SYT1: variants seen among roughly 807,000 people sequenced by gnomAD.
SYT1 encodes the protein synaptotagmin-1.
A neutral mutation model predicts 44.8 loss-of-function variants in SYT1; 8 were observed. That is an observed-to-expected ratio of 0.18 (90% CI 0.10 to 0.32). The LOEUF is 0.32. SYT1 is among the 10% of genes least tolerant of loss of function. The pLI, the probability that SYT1 is intolerant of heterozygous loss-of-function variation, is 1.00. For missense variants in SYT1, 286 were observed against 509.3 expected (o/e 0.56, Z 4.22); for synonymous variants, 154 against 188.8 (o/e 0.82, Z 1.51).
chr12:79,448,811 G>T, intron 10 of SYT1, 107 bp from the exon 11 acceptor site: 1 of 953,446 alleles, frequency 1.0e-6, no homozygotes, highest in Non-Finnish European at 1.6e-6. Flanking sequence ...CCTAGTGCTT[G>T]GAGATTGATT....
chr12:79,408,762 A>T, intron 9 of SYT1, among the ~76,000 whole-genome samples: 1 of 150,200 alleles, frequency 6.7e-6, no homozygotes. Context: ...TATGGTCAGA[A>T]GCTGTTTGAC....
chr12:79,117,551 C>T (rs970174727), intron 3 of SYT1, among the ~76,000 whole-genome samples: 6 of 150,320 alleles, frequency 4.0e-5, no homozygotes, highest in Middle Eastern at 3.4e-3. Flanking sequence ...AGTTTCAGGC[C>T]TGATAGACCC....
chr12:79,198,565 C>T (rs1873594787), intron 3 of SYT1, among the ~76,000 whole-genome samples: 1 of 151,670 alleles, frequency 6.6e-6, no homozygotes, highest in Non-Finnish European at 1.5e-5. Flanking sequence ...TGTAGAATTA[C>T]ACTTAAAATT....
chr12:79,444,272 C>T (rs73134565), intron 10 of SYT1, 66 bp downstream of exon 10: 24,931 of 1,581,614 alleles, frequency 0.016, 229 homozygotes, highest in Non-Finnish European at 0.019. Flanking sequence ...AAATTATACA[C>T]ACAGACCTTG....
intron 3 of SYT1, among the ~76,000 whole-genome samples, chr12:79,193,096 A>G (rs1277798152): frequency 1.3e-5 from 2 of 152,126 alleles, no homozygotes; most frequent in Non-Finnish European, 1.5e-5. Context: ...TTTCCAACAA[A>G]CTTCAGGAAA....
chr12:79,261,562 A>G (rs950090993), intron 4 of SYT1, among the ~76,000 whole-genome samples: 1 of 152,202 alleles, frequency 6.6e-6, no homozygotes, highest in Non-Finnish European at 1.5e-5. Flanking sequence ...AGTCTCAGAT[A>G]ATTTTATTGT....
intron 2 of SYT1, among the ~76,000 whole-genome samples, chr12:79,017,704 T>C (rs1054696899): frequency 6.6e-6 from 1 of 152,116 alleles, no homozygotes. Context: ...AGGTCCTGCA[T>C]GCTCTGCTAA....
chr12:79,053,221 G>T (rs1340041090), intron 3 of SYT1, among the ~76,000 whole-genome samples: 2 of 152,060 alleles, frequency 1.3e-5, no homozygotes, highest in African/African-American at 4.8e-5. Context: ...CATAGATGAA[G>T]CTGGAAACCA....
intron 4 of SYT1, among the ~76,000 whole-genome samples, chr12:79,233,325 C>A (rs764512258): frequency 6.6e-6 from 1 of 152,182 alleles, no homozygotes; most frequent in Non-Finnish European, 1.5e-5. Context: ...TCTAACATAG[C>A]CCAGTTTCCT....
intron 3 of SYT1, among the ~76,000 whole-genome samples, chr12:79,119,952 A>G (rs2138128241): frequency 6.6e-6 from 1 of 152,268 alleles, no homozygotes; most frequent in South Asian, 2.1e-4. Context: ...GATGTAGTGA[A>G]GGTCCCAGCT....
chr12:79,161,901 A>G (rs1359073897), intron 3 of SYT1, among the ~76,000 whole-genome samples: 1 of 152,270 alleles, frequency 6.6e-6, no homozygotes, highest in African/African-American at 2.4e-5. Flanking sequence ...GAGAGACCCT[A>G]GCTGGGTCTT....
intron 1 of SYT1, among the ~76,000 whole-genome samples, chr12:78,925,983 T>G (rs1877281494): frequency 6.6e-6 from 1 of 152,048 alleles, no homozygotes; most frequent in Non-Finnish European, 1.5e-5. Flanking sequence ...AAGTAGAACA[T>G]GAATGCTGCA....
chr12:79,325,981 C>T (rs769075113), intron 8 of SYT1, among the ~76,000 whole-genome samples: 1 of 152,094 alleles, frequency 6.6e-6, no homozygotes, highest in Non-Finnish European at 1.5e-5. Context: ...TTTCCTACTA[C>T]CTCTTTAAAA....
chr12:79,302,489 T>A (rs1297360726), intron 8 of SYT1, among the ~76,000 whole-genome samples: 1 of 152,144 alleles, frequency 6.6e-6, no homozygotes, highest in Non-Finnish European at 1.5e-5. Flanking sequence ...CCAAATAATG[T>A]GCAAGCAATT....
Position 79,391,980 on chromosome 12 carries a change from T to C in SYT1, c.928+38361T>C, listed in dbSNP as rs535681516. ...GGTGTCCAATTCATATTGTAAACCT[T>C]AGTAAAAAATGTGCCACATCCACAC... On this transcript the variant is annotated intron_variant, in intron 9 of 10. Transcript: ENST00000261205. 5.0e-3 allele frequency among the ~76,000 whole-genome samples: 468 copies of C among 93,958 alleles called. 2 individuals are homozygous for C. Among genetic ancestry groups the C allele is most frequent in the Middle Eastern group, 0.013 (2 of 154 alleles). 61.6% of individuals were successfully genotyped at this position (93,958 alleles called of 152,430 possible).
chr12:78,883,961 T>G (rs905423509), intron 1 of SYT1, among the ~76,000 whole-genome samples: 5 of 151,664 alleles, frequency 3.3e-5, no homozygotes, highest in Admixed American at 2.0e-4. Context: ...GGAAATATTT[T>G]AGCTTGTTTT....
chr12:79,240,657 T>G (rs1876449671), intron 4 of SYT1, among the ~76,000 whole-genome samples: 1 of 152,184 alleles, frequency 6.6e-6, no homozygotes, highest in South Asian at 2.1e-4. Context: ...TCTAAACTTT[T>G]GCTTAAAATA....
At chr12:79,376,059 T>C (rs899532361) in intron 9 of SYT1, among the ~76,000 whole-genome samples, 2 of 152,228 alleles carry the variant, frequency 1.3e-5, no homozygotes, top group African/African-American at 2.4e-5. Context: ...AAGTTCTCAT[T>C]ACACTTCATT....
chr12:78,880,405 T>C lies in SYT1; in HGVS notation c.-217+15296T>C, dbSNP rs192466069. Among the ~76,000 whole-genome samples the C allele has an allele frequency of 2.4e-3, 358 of 151,772 alleles. 1 individual carries two copies. Among genetic ancestry groups the C allele is most frequent in the Admixed American group, 3.9e-3 (59 of 15,178 alleles). Reference sequence around the variant, plus strand: ...TCTCCTCCCACTTCCCTAACATCTTTCTTCTTATCACTTATCACTCTTTGA... The same window carrying C: ...TCTCCTCCCACTTCCCTAACATCTTCCTTCTTATCACTTATCACTCTTTGA... On this transcript the variant is annotated intron_variant, in intron 1 of 10. Transcript: ENST00000261205.
Sources: gnomAD v4.1 joint callset for allele counts (sites outside exome capture counted in the v4.1 genomes callset) on GRCh38, gnomAD v4.1.1 for gene constraint, MANE v1.5 for transcripts, NCBI Gene and HGNC (gene_info 2026-07-23, HGNC 2026-07-21) for gene names.